The following HDAC8 variants were observed in gnomAD, a reference collection of about 807,000 sequenced individuals.
The protein encoded by HDAC8 is histone deacetylase-like 1.
A neutral mutation model predicts 32.2 loss-of-function variants in HDAC8; 1 was observed. The observed-to-expected ratio is 0.03, with a 90% CI of 0.01 to 0.15. The LOEUF is 0.15. Among genes scored for constraint, HDAC8 ranks in the 10% least tolerant of loss-of-function variants. The probability of loss-of-function intolerance (pLI) is 1.00; values close to 1 mark genes in which losing one functional copy is unlikely to be tolerated. For synonymous variants in HDAC8, 108 were observed against 113.9 expected, an observed-to-expected ratio of 0.95 and a Z score of 0.33; for missense variants, 117 against 300.0, an observed-to-expected ratio of 0.39 and a Z score of 4.51.
intron 9 of HDAC8, among the ~76,000 whole-genome samples, chrX:72,390,092 T>A (rs868913764): frequency 2.7e-5 from 3 of 111,911 alleles, no homozygotes; most frequent in Middle Eastern, 4.2e-3. Flanking sequence ...TGAGATATTT[T>A]GATACAGGCA....
rs556474753 is a variant in HDAC8 at position 72,522,114 on chromosome X, T to A, written c.438-26846A>T. On this transcript the variant is annotated intron_variant, in intron 4 of 10. Coordinates refer to ENST00000373573, the MANE Select transcript of HDAC8 (RefSeq NM_018486.3). Reference sequence around the variant, plus strand: ...GTGAAACCCAACAGGCACACACAAATGTGGCTCACTCTCTGACACCTGGGG... The same window carrying A: ...GTGAAACCCAACAGGCACACACAAAAGTGGCTCACTCTCTGACACCTGGGG... Among the ~76,000 whole-genome samples, 8 of 112,279 alleles carry A rather than the reference T, an allele frequency of 7.1e-5. No homozygotes were observed. In the South Asian group the frequency reaches 3.0e-3, roughly 42 times the overall value.
At chrX:72,351,143 A>C (rs1336378278) in intron 10 of HDAC8, 2 of 129,889 alleles carry the variant, frequency 1.5e-5, no homozygotes, top group Non-Finnish European at 3.1e-5. Flanking sequence ...GGTCTCGCCC[A>C]GGCTGGAATG....
chrX:72,391,839 T>C (rs1180930462), intron 9 of HDAC8, among the ~76,000 whole-genome samples: 1 of 111,161 alleles, frequency 9.0e-6, no homozygotes, highest in East Asian at 2.8e-4. Flanking sequence ...CCTCTATACA[T>C]TCGCAAAGCT....
At chrX:72,481,314 C>T (rs782272123) in intron 7 of HDAC8, among the ~76,000 whole-genome samples, 3 of 110,985 alleles carry the variant, frequency 2.7e-5, no homozygotes, top group East Asian at 2.9e-4. Flanking sequence ...TCCCCCAAAA[C>T]GTGGGGATTA....
chrX:72,441,404 G>A (rs782182696), intron 9 of HDAC8, among the ~76,000 whole-genome samples: 11 of 112,162 alleles, frequency 9.8e-5, no homozygotes, highest in Non-Finnish European at 1.1e-4. Flanking sequence ...TGCAGCCACC[G>A]CTGCTGGTAC....
intron 4 of HDAC8, among the ~76,000 whole-genome samples, chrX:72,531,171 G>T (rs1984988799): frequency 8.9e-6 from 1 of 112,199 alleles, no homozygotes; most frequent in South Asian, 3.7e-4. Context: ...CTTATATTTT[G>T]TATGTGAAGG....
chrX:72,550,453 T>G (rs782324542), intron 4 of HDAC8, among the ~76,000 whole-genome samples: 2 of 110,745 alleles, frequency 1.8e-5, no homozygotes, highest in Non-Finnish European at 3.8e-5. Flanking sequence ...AGGTCTTACT[T>G]TAATGTTCAC....
intron 9 of HDAC8, among the ~76,000 whole-genome samples, chrX:72,390,095 T>G (rs1375155855): frequency 8.9e-6 from 1 of 111,819 alleles, no homozygotes; most frequent in Non-Finnish European, 1.9e-5. Flanking sequence ...GATATTTTGA[T>G]ACAGGCATAC....
At chrX:72,503,884 C>G (rs2049305284) in intron 4 of HDAC8, among the ~76,000 whole-genome samples, 1 of 112,213 alleles carries the variant, frequency 8.9e-6, no homozygotes, top group African/African-American at 3.2e-5. Flanking sequence ...ACAGGGTTCT[C>G]AGCCTTACAA....
intron 4 of HDAC8, among the ~76,000 whole-genome samples, chrX:72,555,194 AAGG>A (rs1397911022): frequency 6.2e-5 from 7 of 112,186 alleles, no homozygotes; most frequent in African/African-American, 1.6e-4. Context: ...TTCCTAGGGG[AAGG>A]AGGAGAACAA....
At chrX:72,351,243 G>T in intron 10 of HDAC8, 1 of 200,316 alleles carries the variant, frequency 5.0e-6, no homozygotes, top group South Asian at 6.3e-5. Context: ...GGGACCACAG[G>T]CATATGCCAC....
intron 4 of HDAC8, among the ~76,000 whole-genome samples, chrX:72,550,102 T>C (rs1285966052): frequency 1.8e-5 from 2 of 111,689 alleles, no homozygotes; most frequent in Non-Finnish European, 3.8e-5. Flanking sequence ...GTATGTAGAT[T>C]TTCTAGGGGA....
intron 7 of HDAC8, among the ~76,000 whole-genome samples, chrX:72,487,402 G>A (rs1556006421): frequency 9.0e-6 from 1 of 111,312 alleles, no homozygotes; most frequent in Non-Finnish European, 1.9e-5. Context: ...CTTGGGGGTG[G>A]GCACTGGAAA....
rs180782465 is a variant in HDAC8 at position 72,352,067 on chromosome X, G to C, written c.1006-229C>G. On this transcript the variant is annotated intron_variant, in intron 9 of 10. Transcript: ENST00000373573. The stretch of plus-strand genomic sequence containing the variant: ...GAAATTATTTAGCTTGCTGTCCAAC[G>C]GTCTCTCTGCTTAGGTCTCAACTTT... Among the ~76,000 whole-genome samples, 26 of 111,661 alleles carry C rather than the reference G, an allele frequency of 2.3e-4. No homozygotes were observed. In the East Asian group the frequency reaches 2.6e-3, roughly 11 times the overall value.
At chrX:72,364,399 G>C (rs1555953660) in intron 9 of HDAC8, among the ~76,000 whole-genome samples, 1 of 111,428 alleles carries the variant, frequency 9.0e-6, no homozygotes, top group Non-Finnish European at 1.9e-5. Flanking sequence ...TACATCTCTG[G>C]GTCCTGTCAG....
chrX:72,380,453 C>T (rs1472541739), intron 9 of HDAC8, among the ~76,000 whole-genome samples: 5 of 112,004 alleles, frequency 4.5e-5, no homozygotes, highest in African/African-American at 1.6e-4. Flanking sequence ...TCTGTTCCCT[C>T]TGGTGGCTGC....
At chrX:72,427,688 TAC>T in intron 9 of HDAC8, among the ~76,000 whole-genome samples, 1 of 108,029 alleles carries the variant, frequency 9.3e-6, no homozygotes, top group East Asian at 2.9e-4. Context: ...GGCACATGTA[TAC>T]ATATGTAACT....
At chrX:72,409,830 A>G (rs1177152014) in intron 9 of HDAC8, among the ~76,000 whole-genome samples, 1 of 112,460 alleles carries the variant, frequency 8.9e-6, no homozygotes, top group Non-Finnish European at 1.9e-5. Flanking sequence ...TGTCTCCTCC[A>G]TCAGACTGTA....
chrX:72,509,400 C>T (rs781949257), intron 4 of HDAC8, among the ~76,000 whole-genome samples: 1 of 111,589 alleles, frequency 9.0e-6, no homozygotes, highest in Non-Finnish European at 1.9e-5. Context: ...TTAGTCACCC[C>T]GCCCGGCCTC....
Sources: allele counts gnomAD v4.1 joint callset (sites outside exome capture counted in the v4.1 genomes callset), GRCh38; gene constraint gnomAD v4.1.1; transcripts MANE v1.5; gene names NCBI Gene and HGNC (gene_info 2026-07-23, HGNC 2026-07-21).